MGAT5: variants seen among roughly 807,000 people sequenced by gnomAD.
MGAT5 encodes the protein alpha-1,6-mannosylglycoprotein 6-beta-N-acetylglucosaminyltransferase A.
In MGAT5, 30 loss-of-function variants were observed where a neutral mutation model predicts 94.3. That is an observed-to-expected ratio of 0.32 (90% CI 0.24 to 0.43). The LOEUF is 0.43. Ranked by LOEUF, MGAT5 falls within the 20% of genes least tolerant of loss-of-function variation. The pLI is 1.00. For synonymous variants in MGAT5, 310 were observed against 322.9 expected (o/e 0.96, Z 0.43); for missense variants, 691 against 905.5 (o/e 0.76, Z 3.04).
intron 10 of MGAT5, among the ~76,000 whole-genome samples, chr2:134,375,518 A>G (rs547731767): frequency 1.3e-4 from 20 of 152,336 alleles, no homozygotes; most frequent in Admixed American, 1.1e-3. Flanking sequence ...ACAAAGCTTT[A>G]TTCTAAAGAT....
At chr2:134,325,493 A>G (rs1687590435) in intron 4 of MGAT5, among the ~76,000 whole-genome samples, 1 of 152,120 alleles carries the variant, frequency 6.6e-6, no homozygotes, top group Non-Finnish European at 1.5e-5. Context: ...TTTCATTTAT[A>G]ACCTCCTCTG....
chr2:134,426,279 G>A (rs1033259169), intron 13 of MGAT5, among the ~76,000 whole-genome samples: 2 of 151,762 alleles, frequency 1.3e-5, no homozygotes, highest in Non-Finnish European at 2.9e-5. Flanking sequence ...TCTTTTATAG[G>A]AAAATTGTTT....
intron 1 of MGAT5, among the ~76,000 whole-genome samples, chr2:134,258,039 C>T (rs1023955722): frequency 6.6e-6 from 1 of 151,882 alleles, no homozygotes; most frequent in Non-Finnish European, 1.5e-5. Context: ...AATGGGTATA[C>T]AGTAGGTATT....
chr2:134,448,751 C>T lies in MGAT5; in HGVS notation c.2130C>T (p.Leu710=), dbSNP rs776207279. The T allele has an allele frequency of 2.7e-5, 44 of 1,614,110 alleles. 1 individual carries two copies. The South Asian group carries it at 4.6e-4, about 17-fold the overall frequency. Residue 710 remains leucine (L), a synonymous_variant, in exon 16 of 16, where the codon CTC becomes CTT. Coordinates refer to ENST00000281923, the MANE Select transcript of MGAT5 (RefSeq NM_002410.5). ...GTGTGTTTCAAGGTGACCTCCTGCT[C>T]TTCAGCTGTGCAGGCGCCCACCCCA... ...KHCVFQGDLL[L]FSCAGAHPRH...
At chr2:134,388,428 G>T (rs1429004741) in intron 10 of MGAT5, among the ~76,000 whole-genome samples, 4 of 149,846 alleles carry the variant, frequency 2.7e-5, no homozygotes, top group African/African-American at 1.0e-4. Context: ...TCTAAGATAT[G>T]AAGATCTTTA....
chr2:134,412,729 C>A (rs1304766044), intron 11 of MGAT5, 140 bp from the exon 12 acceptor site: 5 of 1,051,718 alleles, frequency 4.8e-6, no homozygotes, highest in African/African-American at 1.6e-5. Context: ...GCCCCACCCC[C>A]CAGGGCCTGG....
chr2:134,296,683 T>C (rs1685693990), intron 2 of MGAT5, among the ~76,000 whole-genome samples: 1 of 152,186 alleles, frequency 6.6e-6, no homozygotes. Context: ...TAACCTCTCT[T>C]TCTTCTGTTA....
chr2:134,435,489 C>T (rs1057248043), intron 14 of MGAT5, among the ~76,000 whole-genome samples: 3 of 152,228 alleles, frequency 2.0e-5, no homozygotes, highest in Non-Finnish European at 4.4e-5. Context: ...ATACTTACCA[C>T]CTTTTAATGT....
In MGAT5 at chr2:134,451,719, G is replaced by A. The variant is rs959093814; in HGVS notation, c.*2872G>A. The A allele has an allele frequency of 2.0e-5, 3 of 152,094 alleles. No individual in the cohort carries two copies. The highest frequency in any genetic ancestry group is 7.2e-5 in the African/African-American group (3 of 41,394). 9.4% of individuals were successfully genotyped at this position (152,094 alleles called of 1,614,324 possible). Reference sequence around the variant, plus strand: ...TTTTTTGGATTATTTTCCCCATTGTGATCCTAAGCTCTTAAAAAACTTGAG... The same window carrying A: ...TTTTTTGGATTATTTTCCCCATTGTAATCCTAAGCTCTTAAAAAACTTGAG... On this transcript the variant is annotated 3_prime_UTR_variant, in exon 16 of 16. Transcript: ENST00000281923.
At chr2:134,435,471 T>C (rs1375634945) in intron 14 of MGAT5, among the ~76,000 whole-genome samples, 3 of 152,244 alleles carry the variant, frequency 2.0e-5, no homozygotes, top group Non-Finnish European at 4.4e-5. Flanking sequence ...ACTTCATTCT[T>C]TTCTAGAATA....
Position 134,441,747 on chromosome 2 carries a change from T to G in MGAT5, c.1870-11T>G. On this transcript the variant is annotated splice_polypyrimidine_tract_variant and intron_variant, in intron 14 of 15. Transcript: ENST00000281923. ...TTGGACCTGTGGCTGATGGCTTCAT[T>G]GTCGTTCTAGGACTTCTGCCATGGG... 6.2e-7 allele frequency: 1 copy of G among 1,603,714 alleles called. No homozygotes were observed.
intron 1 of MGAT5, among the ~76,000 whole-genome samples, chr2:134,126,480 AAAG>A (rs1685844545): frequency 6.6e-6 from 1 of 152,230 alleles, no homozygotes; most frequent in Admixed American, 6.5e-5. Context: ...ATTAAATTAA[AAAG>A]AAGGTTGAGA....
At chr2:134,162,305 G>T (rs1050194222) in intron 1 of MGAT5, among the ~76,000 whole-genome samples, 1 of 152,172 alleles carries the variant, frequency 6.6e-6, no homozygotes, top group Non-Finnish European at 1.5e-5. Flanking sequence ...AAGACTGGCG[G>T]GTTGTCAGCT....
chr2:134,323,212 AC>A (rs1302439045), intron 4 of MGAT5, among the ~76,000 whole-genome samples: 1 of 152,126 alleles, frequency 6.6e-6, no homozygotes, highest in African/African-American at 2.4e-5. Flanking sequence ...TCCTTAAAAT[AC>A]CCCCACAGCT....
At chr2:134,164,846 A>AAG (rs1687893030) in intron 1 of MGAT5, among the ~76,000 whole-genome samples, 1 of 151,938 alleles carries the variant, frequency 6.6e-6, no homozygotes, top group Non-Finnish European at 1.5e-5. Context: ...TCTCAAAAAA[A>AAG]AAAAACCAAA....
chr2:134,327,716 A>T (rs1687720584), intron 4 of MGAT5, among the ~76,000 whole-genome samples: 1 of 152,152 alleles, frequency 6.6e-6, no homozygotes, highest in Non-Finnish European at 1.5e-5. Flanking sequence ...AGCCGTGGAT[A>T]AGAGAGGACT....
chr2:134,166,833 A>G (rs1186482075), intron 1 of MGAT5, among the ~76,000 whole-genome samples: 1 of 152,242 alleles, frequency 6.6e-6, no homozygotes, highest in Non-Finnish European at 1.5e-5. Flanking sequence ...CAGGACCCGT[A>G]GAAAGCTTTA....
chr2:134,345,896 C>G (rs6430509), intron 8 of MGAT5, among the ~76,000 whole-genome samples: 7,460 of 152,004 alleles, frequency 0.049, 559 homozygotes, highest in African/African-American at 0.16. Context: ...TGTTATCTTG[C>G]ATTTATGGCA....
chr2:134,241,491 A>T lies in MGAT5; in HGVS notation c.-142-12771A>T, dbSNP rs1023037870. Reference sequence around the variant, plus strand: ...TGGTCCCCACACCAAATATGTACTAACAAGTATATAAATTCAGAATGAATT... The same window carrying T: ...TGGTCCCCACACCAAATATGTACTATCAAGTATATAAATTCAGAATGAATT... On this transcript the variant is annotated intron_variant, in intron 1 of 16. Coordinates refer to the MGAT5 transcript ENST00000409645. Among the ~76,000 whole-genome samples, 6 of 152,342 alleles carry T rather than the reference A, an allele frequency of 3.9e-5. No homozygotes were observed. The East Asian group carries it at 9.6e-4, about 24-fold the overall frequency.
Sources: gnomAD v4.1 joint callset for allele counts (sites outside exome capture counted in the v4.1 genomes callset) on GRCh38, gnomAD v4.1.1 for gene constraint, MANE v1.5 for transcripts, NCBI Gene and HGNC (gene_info 2026-07-23, HGNC 2026-07-21) for gene names.